INKA2: variants seen among roughly 807,000 people sequenced by gnomAD.
INKA2 encodes PAK4-inhibitor INKA2.
Under a neutral mutation model 9.8 loss-of-function variants are expected in INKA2, and 3 were observed. The ratio of observed to expected loss-of-function variants is 0.31; its 90% CI spans 0.14 to 0.79. INKA2 has a LOEUF of 0.79. Ranked by LOEUF, INKA2 falls within the 30% of genes least tolerant of loss-of-function variation. The pLI, the probability that INKA2 is intolerant of heterozygous loss-of-function variation, is 0.62. For synonymous variants in INKA2, 147 were observed against 143.3 expected, an observed-to-expected ratio of 1.03 and a Z score of -0.18; for missense variants, 392 against 384.4, an observed-to-expected ratio of 1.02 and a Z score of -0.17.
chr1:111,743,606 C>A (rs146601267), upstream of INKA2, among the ~76,000 whole-genome samples: 1,026 of 152,328 alleles, frequency 6.7e-3, 14 homozygotes, highest in African/African-American at 0.023. Context: ...TCCTATGGCA[C>A]CCACCTGGAG....
At chr1:111,728,509 C>T (rs1215048393) in intron 1 of INKA2, among the ~76,000 whole-genome samples, 1 of 152,174 alleles carries the variant, frequency 6.6e-6, no homozygotes, top group Non-Finnish European at 1.5e-5. Context: ...CTACCAAATA[C>T]AGGTTGAGCA....
Position 111,738,206 on chromosome 1 carries a change from A to C in INKA2, c.57+980T>G, listed in dbSNP as rs185023880. On this transcript the variant is annotated intron_variant, in intron 1 of 1. Coordinates refer to ENST00000357260, the MANE Select transcript of INKA2 (RefSeq NM_019099.5). ...AAGACACAACAGAGAGCCTAGTGGA[A>C]GGAGAGATGGGCAAAGCAGAGATGG... Among the ~76,000 whole-genome samples the C allele has an allele frequency of 6.9e-3, 1,045 of 152,352 alleles. 8 individuals carry two copies. Among genetic ancestry groups the C allele is most frequent in the Non-Finnish European group, 0.012 (832 of 68,030 alleles).
rs552727692 is a variant in INKA2 at position 111,755,172 on chromosome 1, G to C, written n.124+529C>G. On this transcript the variant is annotated intron_variant and non_coding_transcript_variant, in intron 1 of 1. Coordinates refer to the INKA2 transcript ENST00000444059. Reference sequence around the variant, plus strand: ...GAGGCGGATGCGGAGGCGGATGCATGGAGGCGGATGCATGGAGGCAGATGG... The same window carrying C: ...GAGGCGGATGCGGAGGCGGATGCATCGAGGCGGATGCATGGAGGCAGATGG... 208 of 157,672 alleles carry C rather than the reference G, an allele frequency of 1.3e-3. 1 individual carries two copies. Among genetic ancestry groups the C allele is most frequent in the Non-Finnish European group, 4.0e-4 (29 of 71,638 alleles). The allele number at this position is 157,672 out of a possible 1,614,324, so 9.8% of individuals were successfully genotyped here. A position where few individuals can be genotyped will look rare whatever the true frequency, so the allele number is the denominator to read the frequency against.
upstream of INKA2, among the ~76,000 whole-genome samples, chr1:111,740,700 G>A (rs1045329638): frequency 3.9e-5 from 6 of 152,074 alleles, no homozygotes; most frequent in Non-Finnish European, 8.8e-5. Context: ...AAAGATGCGC[G>A]GGTGGCGCAC....
intron 1 of INKA2, among the ~76,000 whole-genome samples, chr1:111,748,240 C>T (rs1227114570): frequency 6.6e-6 from 1 of 152,220 alleles, no homozygotes; most frequent in Admixed American, 6.5e-5. Flanking sequence ...ACTCCAGGGA[C>T]TAAGTCCTAG....
Position 111,723,362 on chromosome 1 carries a change from G to A in INKA2, c.*3606C>T. 2.2e-6 allele frequency: 1 copy of A among 453,018 alleles called. No homozygotes were observed. Among genetic ancestry groups the A allele is most frequent in the Non-Finnish European group, 3.9e-6 (1 of 257,406 alleles). The allele number at this position is 453,018 out of a possible 1,614,324, so 28.1% of individuals were successfully genotyped here. On this transcript the variant is annotated 3_prime_UTR_variant, in exon 2 of 2. Transcript: ENST00000357260. ...CACAAGGGAAGTGTCTGAGGGAGAG[G>A]GAAAAGAGAGGTCCCAAGTCTGAAA...
At chr1:111,755,149 G>GGCAGAT in intron 1 of INKA2, 1 of 158,964 alleles carries the variant, frequency 6.3e-6, no homozygotes. Context: ...GATGCATGGA[G>GGCAGAT]GCGGATGCGG....
At chr1:111,742,365 T>C (rs1034377943), upstream of INKA2, among the ~76,000 whole-genome samples, 1 of 152,054 alleles carries the variant, frequency 6.6e-6, no homozygotes, top group Non-Finnish European at 1.5e-5. Flanking sequence ...GGTGGGCAGA[T>C]CACGAGGTCA....
intron 1 of INKA2, among the ~76,000 whole-genome samples, chr1:111,750,180 C>T (rs1362083546): frequency 6.6e-6 from 1 of 152,220 alleles, no homozygotes. Flanking sequence ...TGGTCTGAAG[C>T]CTGAGGGAGG....
chr1:111,739,346 C>A lies in INKA2; in HGVS notation c.-104G>T. On this transcript the variant is annotated 5_prime_UTR_variant, in exon 1 of 2. Transcript: ENST00000357260. ...CGGCTCCCCGCCCCTGCGCCCGTAG[C>A]GCTCGCAGCGCGGAGCTGAGCCTGC... 3 of 1,562,150 alleles carry A rather than the reference C, an allele frequency of 1.9e-6. No homozygotes were observed. The highest frequency in any genetic ancestry group is 2.6e-6 in the Non-Finnish European group (3 of 1,154,190).
rs1028598090 is a variant in INKA2 at position 111,733,614 on chromosome 1, G to A, written c.57+5572C>T. Among the ~76,000 whole-genome samples, 6 of 152,278 alleles carry A rather than the reference G, an allele frequency of 3.9e-5. No homozygotes were observed. In the East Asian group the frequency reaches 7.7e-4, roughly 20 times the overall value. ...GAGGAACTGCCTGCCTGGGGCTGGA[G>A]GGGAAGATGCAGTTGGGAACCAGAT... On this transcript the variant is annotated intron_variant, in intron 1 of 1. Transcript: ENST00000357260.
At position 111,726,416 on chromosome 1, in the gene INKA2, GT is replaced by G; in HGVS notation, c.*551del. 1 of 238,560 alleles carries G rather than the reference GT, an allele frequency of 4.2e-6. No individual in the cohort carries two copies. The highest frequency in any genetic ancestry group is 8.2e-5 in the East Asian group (1 of 12,176). The allele number at this position is 238,560 out of a possible 1,614,324, so 14.8% of individuals were successfully genotyped here. Reference sequence around the variant, plus strand: ...AAGGCAGAAAGGGCTAGCAGGTCGGGTTTTGCCTCACTGCTGCTCCAGTCCC... The same window carrying G: ...AAGGCAGAAAGGGCTAGCAGGTCGGGTTTGCCTCACTGCTGCTCCAGTCCC... On this transcript the variant is annotated 3_prime_UTR_variant, in exon 2 of 2. Coordinates refer to ENST00000357260, the MANE Select transcript of INKA2 (RefSeq NM_019099.5).
chr1:111,748,343 T>A (rs1663318411), intron 1 of INKA2, among the ~76,000 whole-genome samples: 1 of 152,200 alleles, frequency 6.6e-6, no homozygotes, highest in South Asian at 2.1e-4. Context: ...CCCTGTAATC[T>A]CTAATGCCTC....
intron 1 of INKA2, among the ~76,000 whole-genome samples, chr1:111,753,428 C>T (rs954455038): frequency 2.0e-5 from 3 of 152,188 alleles, no homozygotes; most frequent in Admixed American, 1.3e-4. Flanking sequence ...GTCAACAACA[C>T]TGTTATAACT....
At chr1:111,753,458 A>C (rs974290092) in intron 1 of INKA2, among the ~76,000 whole-genome samples, 2 of 152,220 alleles carry the variant, frequency 1.3e-5, no homozygotes, top group South Asian at 2.1e-4. Context: ...TGAGAAAAAA[A>C]ATTTGTGTTA....
Position 111,739,353 on chromosome 1 carries a change from A to G in INKA2, c.-111T>C. 2 of 1,555,824 alleles carry G rather than the reference A, an allele frequency of 1.3e-6. No homozygotes were observed. The highest frequency in any genetic ancestry group is 2.3e-5 in the South Asian group (2 of 85,732). ...CCGCCCCTGCGCCCGTAGCGCTCGC[A>G]GCGCGGAGCTGAGCCTGCGCTCCGA... On this transcript the variant is annotated 5_prime_UTR_variant, in exon 1 of 2. Transcript: ENST00000357260.
chr1:111,734,617 G>A (rs1662975182), intron 1 of INKA2, among the ~76,000 whole-genome samples: 1 of 152,160 alleles, frequency 6.6e-6, no homozygotes, highest in African/African-American at 2.4e-5. Flanking sequence ...TTTCAGCACT[G>A]TTGCCCACTC....
chr1:111,742,236 T>G (rs1663165889), upstream of INKA2, among the ~76,000 whole-genome samples: 1 of 152,182 alleles, frequency 6.6e-6, no homozygotes, highest in African/African-American at 2.4e-5. Flanking sequence ...TGGGCATCAG[T>G]TTCCCCTGCT....
Position 111,727,563 on chromosome 1 carries a change from C to A in INKA2, c.299G>T (p.Gly100Val). 6.2e-7 allele frequency: 1 copy of A among 1,613,066 alleles called. No individual in the cohort carries two copies. Among genetic ancestry groups the A allele is most frequent in the Non-Finnish European group, 8.5e-7 (1 of 1,179,466 alleles). ...ATGGGATGGAAACTTGGTGCTGCTG[C>A]CAAGAGAAGGTTGACTGGAGGGGGA... ...VCSPSSQPSL[G>V]SSTKFPSHRS... is the part of the protein sequence containing the mutation. Residue 100 changes from glycine to valine, a missense_variant, in exon 2 of 2, where the codon GGC (glycine) becomes GTC (valine). Transcript: ENST00000357260.
Sources: allele counts gnomAD v4.1 joint callset (sites outside exome capture counted in the v4.1 genomes callset), GRCh38; gene constraint gnomAD v4.1.1; transcripts MANE v1.5; gene names NCBI Gene and HGNC (gene_info 2026-07-23, HGNC 2026-07-21).